The following CLSTN2 variants were observed in gnomAD, a reference collection of about 807,000 sequenced individuals.
CLSTN2 encodes calsyntenin-2.
In CLSTN2, 48 loss-of-function variants were observed where a neutral mutation model predicts 101.2. That is an observed-to-expected ratio of 0.47 (90% CI 0.38 to 0.60). The LOEUF is 0.60. Among genes scored for constraint, CLSTN2 ranks in the 20% least tolerant of loss-of-function variants. The pLI is 0.00. For missense variants in CLSTN2, 1,160 were observed against 1,238.2 expected (o/e 0.94, Z 0.95); for synonymous variants, 481 against 463.6 (o/e 1.04, Z -0.48).
intron 1 of CLSTN2, among the ~76,000 whole-genome samples, chr3:140,091,373 C>A (rs889108744): frequency 6.6e-6 from 1 of 152,128 alleles, no homozygotes; most frequent in African/African-American, 2.4e-5. Flanking sequence ...TCCTGGACAC[C>A]CATTCCTTGG....
chr3:139,942,807 G>A (rs1023962655), intron 1 of CLSTN2, among the ~76,000 whole-genome samples: 1 of 152,166 alleles, frequency 6.6e-6, no homozygotes, highest in Non-Finnish European at 1.5e-5. Context: ...GGTGAGCTAG[G>A]TGACATCTTG....
intron 2 of CLSTN2, among the ~76,000 whole-genome samples, chr3:140,269,655 C>T (rs375227281): frequency 6.6e-6 from 1 of 152,262 alleles, no homozygotes; most frequent in Admixed American, 6.5e-5. Context: ...TGTGCATAGC[C>T]CCACTTCTTG....
chr3:140,385,383 T>A (rs1190189177), intron 2 of CLSTN2, among the ~76,000 whole-genome samples: 5 of 115,594 alleles, frequency 4.3e-5, no homozygotes, highest in African/African-American at 8.5e-5. Flanking sequence ...TTTTTTTTTT[T>A]TATCTGAGAT....
rs1237068612 is a variant in CLSTN2 at position 140,490,550 on chromosome 3, G to T, written c.1344+23819G>T. The stretch of plus-strand genomic sequence containing the variant: ...CATCGGGCTGCAGTGAGCTGAGATT[G>T]TGCCACTGTACTCCATCCTGGGTGA... On this transcript the variant is annotated intron_variant, in intron 8 of 16. Coordinates refer to ENST00000458420, the MANE Select transcript of CLSTN2 (RefSeq NM_022131.3). Among the ~76,000 whole-genome samples, 2 of 146,254 alleles carry T rather than the reference G, an allele frequency of 1.4e-5. 1 individual carries two copies. The highest frequency in any genetic ancestry group is 4.4e-4 in the South Asian group (2 of 4,558).
intron 1 of CLSTN2, among the ~76,000 whole-genome samples, chr3:140,009,774 T>C (rs1284266754): frequency 6.6e-6 from 1 of 152,254 alleles, no homozygotes; most frequent in Non-Finnish European, 1.5e-5. Flanking sequence ...GGAAAGATTT[T>C]CATATGTATT....
intron 2 of CLSTN2, among the ~76,000 whole-genome samples, chr3:140,341,796 A>T (rs1374322309): frequency 1.3e-5 from 2 of 152,232 alleles, no homozygotes; most frequent in African/African-American, 2.4e-5. Flanking sequence ...TCCTGGCCAC[A>T]TGCAGCAGGC....
chr3:140,195,818 ACTCAAAGG>A lies in CLSTN2; in HGVS notation c.232+19746_232+19753del, dbSNP rs2010635751. ...GGATAAAGGACTGTGAGTTTGGTACACTCAAAGGTTTTTACGTCTCAAAGATGGGTGCT... is the reference window on the plus strand; with the variant it reads ...GGATAAAGGACTGTGAGTTTGGTACATTTTTACGTCTCAAAGATGGGTGCT... On this transcript the variant is annotated intron_variant, in intron 2 of 16. Transcript: ENST00000458420. Among the ~76,000 whole-genome samples the A allele has an allele frequency of 2.0e-5, 3 of 152,302 alleles. No homozygotes were observed. The South Asian group carries it at 6.2e-4, about 32-fold the overall frequency.
intron 2 of CLSTN2, among the ~76,000 whole-genome samples, chr3:140,336,216 G>A (rs1461325767): frequency 6.6e-6 from 1 of 152,190 alleles, no homozygotes; most frequent in African/African-American, 2.4e-5. Context: ...GTTGGGCACC[G>A]TGAAGGCATT....
rs554171137 is a variant in CLSTN2, at chr3:140,543,306, T to C, written c.1508-3209T>C. Among the ~76,000 whole-genome samples the C allele has an allele frequency of 3.3e-5, 5 of 152,288 alleles. No homozygotes were observed. The South Asian group carries it at 1.0e-3, about 32-fold the overall frequency. On this transcript the variant is annotated intron_variant, in intron 9 of 16. Coordinates refer to ENST00000458420, the MANE Select transcript of CLSTN2 (RefSeq NM_022131.3). ...TTTTGCTGGGACGGGAACATGCTAA[T>C]GGCTTGAAGGAGTACTTTATGCATG...
chr3:140,016,914 G>A (rs1225013149), intron 1 of CLSTN2, among the ~76,000 whole-genome samples: 2 of 152,050 alleles, frequency 1.3e-5, no homozygotes, highest in Non-Finnish European at 2.9e-5. Flanking sequence ...AGTCAAAGTA[G>A]GCTATTAGTA....
chr3:140,151,645 C>T (rs955840063), intron 1 of CLSTN2, among the ~76,000 whole-genome samples: 13 of 152,024 alleles, frequency 8.6e-5, no homozygotes, highest in Non-Finnish European at 7.4e-5. Flanking sequence ...CAAAGGCACT[C>T]ACCTATCTCT....
At chr3:140,006,248 A>G (rs1560067843) in intron 1 of CLSTN2, among the ~76,000 whole-genome samples, 1 of 152,194 alleles carries the variant, frequency 6.6e-6, no homozygotes, top group Non-Finnish European at 1.5e-5. Flanking sequence ...CATGTGCAAG[A>G]TACTTTGTTT....
chr3:140,189,202 G>A (rs186939719), intron 2 of CLSTN2, among the ~76,000 whole-genome samples: 4 of 152,242 alleles, frequency 2.6e-5, no homozygotes, highest in African/African-American at 7.2e-5. Context: ...TTTGAATAAA[G>A]CTGCTGTAAA....
At chr3:140,259,869 A>T (rs2086635259) in intron 2 of CLSTN2, among the ~76,000 whole-genome samples, 1 of 152,142 alleles carries the variant, frequency 6.6e-6, no homozygotes, top group African/African-American at 2.4e-5. Context: ...ATTTGTTCAT[A>T]GATGAGGTGG....
intron 1 of CLSTN2, among the ~76,000 whole-genome samples, chr3:140,109,975 G>T (rs890552284): frequency 2.0e-5 from 3 of 152,038 alleles, no homozygotes; most frequent in African/African-American, 7.2e-5. Context: ...CTCCCACTCT[G>T]CCATGTGCCA....
rs1985683414 is a variant in CLSTN2, at chr3:140,574,892, T to A, written c.*8639T>A. On this transcript the variant is annotated 3_prime_UTR_variant, in exon 17 of 17. Transcript: ENST00000458420. ...GGGATGAGGAGGTAGCATCTCCTCTTCAGAAGGATTCATAAGGGCCTCTGT... is the reference window on the plus strand; with the variant it reads ...GGGATGAGGAGGTAGCATCTCCTCTACAGAAGGATTCATAAGGGCCTCTGT... 1 of 152,182 alleles carries A rather than the reference T, an allele frequency of 6.6e-6. No homozygotes were observed. Among genetic ancestry groups the A allele is most frequent in the South Asian group, 2.1e-4 (1 of 4,830 alleles). The allele number at this position is 152,182 out of a possible 1,614,324, so 9.4% of individuals were successfully genotyped here. A position where few individuals can be genotyped will look rare whatever the true frequency, so the allele number is the denominator to read the frequency against.
chr3:140,117,943 G>A (rs1021957529), intron 1 of CLSTN2, among the ~76,000 whole-genome samples: 2 of 152,170 alleles, frequency 1.3e-5, no homozygotes, highest in African/African-American at 4.8e-5. Context: ...GGCCAGCAAT[G>A]GGCTGAATTT....
At chr3:140,042,605 T>A (rs1159612587) in intron 1 of CLSTN2, among the ~76,000 whole-genome samples, 1 of 152,174 alleles carries the variant, frequency 6.6e-6, no homozygotes, top group Non-Finnish European at 1.5e-5. Flanking sequence ...ACGTGCGCCA[T>A]GTTGGTGTGC....
intron 2 of CLSTN2, among the ~76,000 whole-genome samples, chr3:140,402,278 G>T (rs2088251176): frequency 6.6e-6 from 1 of 152,146 alleles, no homozygotes; most frequent in African/African-American, 2.4e-5. Context: ...TAGAAGTTAT[G>T]GGGCTGTTTG....
Sources: allele counts gnomAD v4.1 joint callset (sites outside exome capture counted in the v4.1 genomes callset), GRCh38; gene constraint gnomAD v4.1.1; transcripts MANE v1.5; gene names NCBI Gene and HGNC (gene_info 2026-07-23, HGNC 2026-07-21).